The following SMOC2 variants were observed in gnomAD, a reference collection of about 807,000 sequenced individuals.
SMOC2 encodes SPARC-related modular calcium-binding protein 2.
Under a neutral mutation model 61.4 loss-of-function variants are expected in SMOC2, and 39 were observed. The observed-to-expected ratio is 0.64, with a 90% CI of 0.49 to 0.83. The LOEUF is 0.83. Among genes scored for constraint, SMOC2 ranks in the 40% least tolerant of loss-of-function variants. The pLI is 0.00. For synonymous variants in SMOC2, 247 were observed against 239.9 expected (o/e 1.03, Z -0.27); for missense variants, 556 against 592.9 (o/e 0.94, Z 0.65).
chr6:168,636,945 T>TTCCCTCCCTCC (rs1786752495), intron 9 of SMOC2, among the ~76,000 whole-genome samples: 1 of 94,400 alleles, frequency 1.1e-5, no homozygotes, highest in African/African-American at 4.7e-5. Context: ...CACCTCCCTC[T>TTCCCTCCCTCC]TCCCTCCTCT....
intron 12 of SMOC2, among the ~76,000 whole-genome samples, chr6:168,665,518 C>A (rs9455684): frequency 6.6e-6 from 1 of 152,174 alleles, no homozygotes; most frequent in African/African-American, 2.4e-5. Context: ...GAAGGGATCA[C>A]GGGAAGGTGC....
intron 1 of SMOC2, among the ~76,000 whole-genome samples, chr6:168,466,025 G>T (rs1781823729): frequency 9.0e-6 from 1 of 111,534 alleles, no homozygotes; most frequent in Admixed American, 9.0e-5. Flanking sequence ...GGGGGCTCTG[G>T]ATGAAGCGAC....
intron 1 of SMOC2, among the ~76,000 whole-genome samples, chr6:168,494,926 G>C (rs1471952427): frequency 1.3e-5 from 2 of 152,214 alleles, no homozygotes; most frequent in African/African-American, 4.8e-5. Flanking sequence ...TGCAGTTCCT[G>C]GGGAATAGGG....
intron 1 of SMOC2, among the ~76,000 whole-genome samples, chr6:168,442,733 C>T (rs1160191713): frequency 1.3e-5 from 2 of 152,242 alleles, no homozygotes; most frequent in East Asian, 3.9e-4. Context: ...TTTTCTTCGT[C>T]TTCTTTCTTT....
intron 1 of SMOC2, among the ~76,000 whole-genome samples, chr6:168,464,465 G>T (rs1781784830): frequency 6.6e-6 from 1 of 152,132 alleles, no homozygotes; most frequent in Non-Finnish European, 1.5e-5. Context: ...TATTTCCACT[G>T]TGAAAGGGTA....
chr6:168,509,239 C>T (rs534245569), intron 1 of SMOC2, among the ~76,000 whole-genome samples: 2 of 152,214 alleles, frequency 1.3e-5, no homozygotes, highest in Non-Finnish European at 2.9e-5. Context: ...CACACATGGC[C>T]ATTAGGTGAT....
intron 2 of SMOC2, 84 bp downstream of exon 2, chr6:168,510,170 T>G: frequency 7.9e-6 from 11 of 1,396,144 alleles, no homozygotes; most frequent in Admixed American, 2.0e-5. Flanking sequence ...ACTTGATAAC[T>G]TTTTACATTT....
chr6:168,633,949 G>T (rs1420350205), intron 9 of SMOC2, among the ~76,000 whole-genome samples: 1 of 152,186 alleles, frequency 6.6e-6, no homozygotes, highest in African/African-American at 2.4e-5. Context: ...GTTCTCAAGA[G>T]ATCTGGTGGT....
chr6:168,595,454 C>T (rs1785304779), intron 7 of SMOC2, among the ~76,000 whole-genome samples: 1 of 152,200 alleles, frequency 6.6e-6, no homozygotes, highest in Non-Finnish European at 1.5e-5. Context: ...GAGAGAACCA[C>T]CCCCGTCAGC....
intron 1 of SMOC2, among the ~76,000 whole-genome samples, chr6:168,497,713 C>A (rs1191380671): frequency 6.6e-6 from 1 of 152,144 alleles, no homozygotes; most frequent in Admixed American, 6.5e-5. Flanking sequence ...GAGACAAACT[C>A]GGTTTTCGGG....
chr6:168,636,715 T>C (rs1274844157), intron 9 of SMOC2, among the ~76,000 whole-genome samples: 1 of 152,196 alleles, frequency 6.6e-6, no homozygotes, highest in Non-Finnish European at 1.5e-5. Flanking sequence ...AGGAATTGGC[T>C]CACCTTGCTG....
intron 1 of SMOC2, among the ~76,000 whole-genome samples, chr6:168,481,514 G>A (rs149062004): frequency 2.0e-5 from 3 of 151,988 alleles, no homozygotes; most frequent in Middle Eastern, 3.4e-3. Flanking sequence ...CAGCTATAGA[G>A]TATATATGAA....
intron 1 of SMOC2, among the ~76,000 whole-genome samples, chr6:168,464,231 AAAGG>A (rs1443136177): frequency 1.5e-3 from 220 of 151,450 alleles, no homozygotes; most frequent in Non-Finnish European, 1.9e-3. Context: ...GGAAGGAAGA[AAAGG>A]AAGGAAGGAA....
chr6:168,527,541 T>C, intron 3 of SMOC2, 87 bp from the exon 4 acceptor site: 2 of 940,288 alleles, frequency 2.1e-6, no homozygotes, highest in Admixed American at 2.0e-5. Flanking sequence ...TCTGAGCCAC[T>C]GCCGCAGAAA....
At chr6:168,481,566 TA>T (rs1782207518) in intron 1 of SMOC2, among the ~76,000 whole-genome samples, 1 of 151,958 alleles carries the variant, frequency 6.6e-6, no homozygotes, top group African/African-American at 2.4e-5. Context: ...TACAAATAGT[TA>T]ACTAATCACA....
chr6:168,576,533 C>T (rs1007124246), intron 7 of SMOC2, among the ~76,000 whole-genome samples: 23 of 152,032 alleles, frequency 1.5e-4, no homozygotes, highest in African/African-American at 4.6e-4. Flanking sequence ...CCTTAGGGAG[C>T]CCTGGGGGTC....
intron 1 of SMOC2, among the ~76,000 whole-genome samples, chr6:168,443,924 C>T (rs187759425): frequency 5.9e-5 from 9 of 152,302 alleles, no homozygotes; most frequent in African/African-American, 9.6e-5. Context: ...TACATAATCT[C>T]TTTCAAGCAT....
chr6:168,599,359 G>GCA (rs1208492227), intron 8 of SMOC2, among the ~76,000 whole-genome samples: 1 of 91,056 alleles, frequency 1.1e-5, no homozygotes, highest in Non-Finnish European at 2.1e-5. Flanking sequence ...CCACTCACAC[G>GCA]CACACAATCA....
At chr6:168,487,166 C>A (rs1182752502) in intron 1 of SMOC2, among the ~76,000 whole-genome samples, 1 of 152,186 alleles carries the variant, frequency 6.6e-6, no homozygotes, top group Non-Finnish European at 1.5e-5. Flanking sequence ...GGGTTCCAGA[C>A]AAATCTTTTT....
Sources: gnomAD v4.1 joint callset for allele counts (sites outside exome capture counted in the v4.1 genomes callset) on GRCh38, gnomAD v4.1.1 for gene constraint, MANE v1.5 for transcripts, NCBI Gene and HGNC (gene_info 2026-07-23, HGNC 2026-07-21) for gene names.